Variants in SIRT1 observed in about 807,000 individuals in gnomAD.
SIRT1 encodes sirtuin 1.
Under a neutral mutation model 67.9 loss-of-function variants are expected in SIRT1, and 24 were observed. The observed-to-expected ratio is 0.35, with a 90% confidence interval of 0.26 to 0.50. The LOEUF is 0.50. SIRT1 is among the 20% of genes least tolerant of loss of function. SIRT1 has a pLI of 0.98. For synonymous variants in SIRT1, 378 were observed against 350.7 expected, an observed-to-expected ratio of 1.08 and a Z score of -0.87; for missense variants, 873 against 937.2, an observed-to-expected ratio of 0.93 and a Z score of 0.89.
In SIRT1 at chr10:67,887,427, G is replaced by C; in HGVS notation, c.441G>C (p.Leu147=). 1 of 1,612,206 alleles carries C rather than the reference G, an allele frequency of 6.2e-7. No individual in the cohort carries two copies. Among genetic ancestry groups the C allele is most frequent in the Non-Finnish European group, 8.5e-7 (1 of 1,178,504 alleles). ...TGGTTTCTTTTGCAGATAACCTTCTGTTCGGTGATGAAATTATCACTAATG... is the reference window on the plus strand; with the variant it reads ...TGGTTTCTTTTGCAGATAACCTTCTCTTCGGTGATGAAATTATCACTAATG... ...AAAIGYRDNL[L]FGDEIITNGF... Residue 147 remains leucine (L), a synonymous_variant, in exon 2 of 9, where the codon CTG becomes CTC. Transcript: ENST00000212015.
In SIRT1 at chr10:67,912,778, A is replaced by G; in HGVS notation, c.1662A>G (p.Thr554=). ...CACCAGATTCTTCAGTGATTGTCAC[A>G]CTTTTAGACCAAGCAGCTAAGAGTA... ...TSPPDSSVIV[T]LLDQAAKSND... is the part of the protein sequence containing the mutation. Residue 554 remains threonine (T), a synonymous_variant, in exon 8 of 9, where the codon ACA becomes ACG. Coordinates refer to ENST00000212015, the MANE Select transcript of SIRT1 (RefSeq NM_012238.5). 3.7e-6 allele frequency: 6 copies of G among 1,614,168 alleles called. No individual in the cohort carries two copies. Among genetic ancestry groups the G allele is most frequent in the Non-Finnish European group, 5.1e-6 (6 of 1,180,030 alleles).
At chr10:67,914,059 A>ATTTTTTTTTTTTTTTTT (rs57073724) in intron 8 of SIRT1, among the ~76,000 whole-genome samples, 1 of 88,234 alleles carries the variant, frequency 1.1e-5, no homozygotes, top group African/African-American at 5.1e-5. Flanking sequence ...CAAAAGGTAG[A>ATTTTTTTTTTTTTTTTT]TTTTTTTTTT....
rs941745119 is a variant in SIRT1, at chr10:67,908,205, CTTTAAAGTA to C, written c.1170+82_1170+90del. On this transcript the variant is annotated intron_variant, in intron 6 of 8. Coordinates refer to ENST00000212015, the MANE Select transcript of SIRT1 (RefSeq NM_012238.5). ...TTTGCCTCAAAATCCTTTTTTACCCCTTTAAAGTATATATGGTACAGAAAGATTCAGGAA... is the reference window on the plus strand; with the variant it reads ...TTTGCCTCAAAATCCTTTTTTACCCCTATATGGTACAGAAAGATTCAGGAA... 2.5e-6 allele frequency: 3 copies of C among 1,184,082 alleles called. No individual in the cohort carries two copies. In the African/African-American group the frequency reaches 4.6e-5, roughly 18 times the overall value. 73.3% of individuals were successfully genotyped at this position (1,184,082 alleles called of 1,614,324 possible). A position where few individuals can be genotyped will look rare whatever the true frequency, so the allele number is the denominator to read the frequency against.
intron 4 of SIRT1, among the ~76,000 whole-genome samples, chr10:67,893,565 CG>C (rs1380450705): frequency 1.1e-4 from 15 of 135,578 alleles, no homozygotes; most frequent in African/African-American, 3.9e-4. Context: ...TTTTTGGAGA[CG>C]GAGTCTGGCT....
Position 67,912,867 on chromosome 10 carries a change from C to CA in SIRT1, c.1751_1752insA (p.Ser585PhefsTer2), listed in dbSNP as rs757359021. Reference sequence around the variant, plus strand: ...GAAGAAAAACCACAGGAAGTACAAACTTCTAGGAATGTTGAAAGTATTGCT... The same window carrying CA: ...GAAGAAAAACCACAGGAAGTACAAACATTCTAGGAATGTTGAAAGTATTGCT... On this transcript the variant is annotated frameshift_variant, in exon 8 of 9. Transcript: ENST00000212015. LOFTEE classifies it high-confidence loss of function. 9 of 1,614,112 alleles carry CA rather than the reference C, an allele frequency of 5.6e-6. No homozygotes were observed. In the South Asian group the frequency reaches 8.8e-5, roughly 16 times the overall value.
chr10:67,898,675 T>C (rs1842696364), intron 4 of SIRT1, among the ~76,000 whole-genome samples: 1 of 152,150 alleles, frequency 6.6e-6, no homozygotes, highest in South Asian at 2.1e-4. Context: ...ATTTTTAGCA[T>C]AAAATTTGGC....
intron 7 of SIRT1, among the ~76,000 whole-genome samples, chr10:67,911,973 G>A (rs1038780200): frequency 6.6e-6 from 1 of 151,914 alleles, no homozygotes; most frequent in Non-Finnish European, 1.5e-5. Context: ...CATGTTGGTC[G>A]GGTTGGTCTT....
intron 2 of SIRT1, 90 bp downstream of exon 2, chr10:67,887,623 C>G: frequency 1.2e-6 from 1 of 844,118 alleles, no homozygotes; most frequent in Non-Finnish European, 1.9e-6. Flanking sequence ...GTTGCGGAGG[C>G]TGGAGTGCAA....
At chr10:67,886,633 G>T (rs896076747) in intron 1 of SIRT1, among the ~76,000 whole-genome samples, 6 of 151,412 alleles carry the variant, frequency 4.0e-5, no homozygotes, top group African/African-American at 1.2e-4. Flanking sequence ...AAGCAACACA[G>T]TTGAGTACTA....
intron 2 of SIRT1, 85 bp downstream of exon 2, chr10:67,887,618 G>A (rs1436105002): frequency 6.9e-6 from 6 of 868,258 alleles, no homozygotes; most frequent in South Asian, 2.9e-5. Context: ...CTCTTGTTGC[G>A]GAGGCTGGAG....
At chr10:67,889,386 A>G (rs1248298625) in intron 3 of SIRT1, among the ~76,000 whole-genome samples, 1 of 152,222 alleles carries the variant, frequency 6.6e-6, no homozygotes, top group East Asian at 1.9e-4. Flanking sequence ...ACATTATATC[A>G]TAGCTCCTAA....
At position 67,917,344 on chromosome 10, in the gene SIRT1, T is replaced by A. The variant is rs1334455605; in HGVS notation, c.*751T>A. The A allele has an allele frequency of 1.3e-5, 2 of 152,492 alleles. No homozygotes were observed. Among genetic ancestry groups the A allele is most frequent in the East Asian group, 3.8e-4 (2 of 5,204 alleles). 9.4% of individuals were successfully genotyped at this position (152,492 alleles called of 1,614,324 possible). On this transcript the variant is annotated 3_prime_UTR_variant, in exon 9 of 9. Coordinates refer to ENST00000212015, the MANE Select transcript of SIRT1 (RefSeq NM_012238.5). Reference sequence around the variant, plus strand: ...TCATAAAACTAACCTGAAAAACAAATAAATGCTTTGGAAATGTTTCAGTTG... The same window carrying A: ...TCATAAAACTAACCTGAAAAACAAAAAAATGCTTTGGAAATGTTTCAGTTG...
At position 67,912,659 on chromosome 10, in the gene SIRT1, C is replaced by T; in HGVS notation, c.1543C>T (p.Pro515Ser). 1 of 1,614,112 alleles carries T rather than the reference C, an allele frequency of 6.2e-7. No homozygotes were observed. Among genetic ancestry groups the T allele is most frequent in the Non-Finnish European group, 8.5e-7 (1 of 1,180,032 alleles). Reference sequence around the variant, plus strand: ...GCTTTCAGAAATTACTGAAAAACCTCCACGAACACAAAAAGAATTGGCTTA... The same window carrying T: ...GCTTTCAGAAATTACTGAAAAACCTTCACGAACACAAAAAGAATTGGCTTA... The part of the protein sequence containing the change: ...VKLSEITEKP[P>S]RTQKELAYLS... Residue 515 changes from proline (P) to serine (S), a missense_variant, in exon 8 of 9, where the codon CCA (proline) becomes TCA (serine). Pro to Ser is a moderately conservative substitution (Grantham distance 74, BLOSUM62 -1). Transcript: ENST00000212015.
At chr10:67,899,002 C>T (rs1044303602) in intron 4 of SIRT1, among the ~76,000 whole-genome samples, 2 of 152,052 alleles carry the variant, frequency 1.3e-5, no homozygotes, top group Non-Finnish European at 2.9e-5. Flanking sequence ...AATAGTGTTG[C>T]TACAGTTGTC....
At chr10:67,885,217 C>CT in intron 1 of SIRT1, 66 bp downstream of exon 1, 2 of 1,274,978 alleles carry the variant, frequency 1.6e-6, no homozygotes, top group Non-Finnish European at 2.0e-6. Flanking sequence ...TCCTACTGGC[C>CT]TGAGGTTGAG....
At chr10:67,897,214 A>T (rs905701918) in intron 4 of SIRT1, among the ~76,000 whole-genome samples, 9 of 151,828 alleles carry the variant, frequency 5.9e-5, no homozygotes, top group Non-Finnish European at 2.9e-5. Flanking sequence ...TAGCTGTGGT[A>T]CCACTTTGGA....
chr10:67,891,473 C>G lies in SIRT1; in HGVS notation c.861C>G (p.Phe287Leu). 6.2e-7 allele frequency: 1 copy of G among 1,614,058 alleles called. No individual in the cohort carries two copies. Among genetic ancestry groups the G allele is most frequent in the East Asian group, 2.2e-5 (1 of 44,862 alleles). ...TTTATGCTCGCCTTGCTGTAGACTTCCCAGATCTTCCAGATCCTCAAGCGA... is the reference window on the plus strand; with the variant it reads ...TTTATGCTCGCCTTGCTGTAGACTTGCCAGATCTTCCAGATCCTCAAGCGA... ...DGIYARLAVDFPDLPDPQAMF... is the reference protein window; with the variant it reads ...DGIYARLAVDLPDLPDPQAMF... The change falls in exon 4 of 9, where the codon TTC (phenylalanine) becomes TTG (leucine). Residue 287 changes from phenylalanine (F) to leucine (L), a missense_variant. Around this residue, in one of 3 missense-constraint regions of SIRT1, gnomAD observed 251 missense variants for 358.8 expected, o/e 0.70. Transcript: ENST00000212015.
Position 67,912,577 on chromosome 10 carries a change from T to C in SIRT1, c.1461T>C (p.Asn487=), listed in dbSNP as rs1486989203. 2 of 1,614,188 alleles carry C rather than the reference T, an allele frequency of 1.2e-6. No individual in the cohort carries two copies. Among genetic ancestry groups the C allele is most frequent in the Non-Finnish European group, 1.7e-6 (2 of 1,180,036 alleles). The change falls in exon 8 of 9, where the codon AAT becomes AAC. Residue 487 remains asparagine, a synonymous_variant. Transcript: ENST00000212015. ...TTGGAGACTGTGATGTCATAATTAA[T>C]GAATTGTGTCATAGGTTAGGTGGTG... ...ELLGDCDVII[N]ELCHRLGGEY...
chr10:67,892,853 C>T (rs1159463834), intron 4 of SIRT1, among the ~76,000 whole-genome samples: 8 of 152,296 alleles, frequency 5.3e-5, no homozygotes, highest in Admixed American at 2.6e-4. Context: ...CCACCCTCCT[C>T]GGCCTCCCAA....
Sources: allele counts gnomAD v4.1 joint callset (sites outside exome capture counted in the v4.1 genomes callset), GRCh38; gene constraint gnomAD v4.1.1; regional missense constraint gnomAD v4.1.1; transcripts MANE v1.5; gene names NCBI Gene and HGNC (gene_info 2026-07-23, HGNC 2026-07-21).